ZFAT: variants seen among roughly 807,000 people sequenced by gnomAD.
ZFAT encodes the protein zinc finger protein ZFAT.
In ZFAT, 64 loss-of-function variants were observed where a neutral mutation model predicts 117.7. The ratio of observed to expected loss-of-function variants is 0.54; its 90% CI spans 0.44 to 0.67. The LOEUF (loss-of-function observed/expected upper bound fraction) is 0.67. Ranked by LOEUF, ZFAT falls within the 30% of genes least tolerant of loss-of-function variation. ZFAT has a pLI of 0.00. For synonymous variants in ZFAT, 679 were observed against 615.0 expected, an observed-to-expected ratio of 1.10 and a Z score of -1.54; for missense variants, 1,433 against 1,584.5, an observed-to-expected ratio of 0.90 and a Z score of 1.62.
intron 12 of ZFAT, among the ~76,000 whole-genome samples, chr8:134,524,873 A>G (rs554670065): frequency 1.3e-5 from 2 of 152,190 alleles, no homozygotes; most frequent in Non-Finnish European, 2.9e-5. Flanking sequence ...CAATAACAAC[A>G]TATGTCTTCC....
At chr8:134,745,402 G>A in the ZFAT span, among the ~76,000 whole-genome samples, 8 of 152,276 alleles carry the variant, frequency 5.3e-5, no homozygotes, top group South Asian at 2.1e-4. Flanking sequence ...GCTTGGTTTC[G>A]AATGCAGAAA....
At chr8:134,513,198 T>TG (rs1819986792) in intron 13 of ZFAT, among the ~76,000 whole-genome samples, 2 of 54,736 alleles carry the variant, frequency 3.7e-5, no homozygotes, top group Admixed American at 3.8e-4. Flanking sequence ...CTATTTGTGC[T>TG]TTTTTTTTTT....
chr8:134,634,963 T>C (rs552954623), intron 3 of ZFAT, among the ~76,000 whole-genome samples: 8 of 152,274 alleles, frequency 5.3e-5, no homozygotes, highest in Non-Finnish European at 8.8e-5. Context: ...AGATTCTCAA[T>C]AAGGAGCACG....
At chr8:134,593,872 G>A (rs889712209) in intron 7 of ZFAT, among the ~76,000 whole-genome samples, 4 of 152,242 alleles carry the variant, frequency 2.6e-5, no homozygotes, top group African/African-American at 9.6e-5. Flanking sequence ...AGGAAGAGGT[G>A]TGAGACTCTC....
chr8:134,776,391 C>A, the ZFAT span, among the ~76,000 whole-genome samples: 1 of 152,204 alleles, frequency 6.6e-6, no homozygotes, highest in African/African-American at 2.4e-5. Context: ...GCTGCCTTGA[C>A]CGCCCAGGCT....
At chr8:134,788,186 G>A in the ZFAT span, among the ~76,000 whole-genome samples, 2 of 151,974 alleles carry the variant, frequency 1.3e-5, no homozygotes, top group Non-Finnish European at 2.9e-5. Context: ...TTATTTCGTT[G>A]CTCTTCTTTT....
chr8:134,498,165 C>A (rs77325122), intron 15 of ZFAT, among the ~76,000 whole-genome samples: 1 of 32,516 alleles, frequency 3.1e-5, no homozygotes, highest in Non-Finnish European at 6.2e-5. Context: ...GGGATGCCCC[C>A]GTTGCTGGTT....
rs1820704697 is a variant in ZFAT, at chr8:134,522,057, C to G, written c.3116-1056G>C. On this transcript the variant is annotated intron_variant, in intron 12 of 15. Coordinates refer to ENST00000377838, the MANE Select transcript of ZFAT (RefSeq NM_020863.4). ...ATCCTGGAATCTCAGACCTTCTGGC[C>G]AACAAAATCCCCAACATTCACCTTG... 2.6e-5 allele frequency among the ~76,000 whole-genome samples: 4 copies of G among 152,354 alleles called. No homozygotes were observed. In the South Asian group the frequency reaches 8.3e-4, roughly 32 times the overall value.
chr8:134,659,467 A>G (rs754111278), intron 1 of ZFAT, among the ~76,000 whole-genome samples: 5 of 152,178 alleles, frequency 3.3e-5, no homozygotes, highest in Non-Finnish European at 7.4e-5. Context: ...TTGTGTGATC[A>G]TTACTTTCAA....
At chr8:134,686,776 T>A (rs969962922) in intron 1 of ZFAT, among the ~76,000 whole-genome samples, 1 of 152,122 alleles carries the variant, frequency 6.6e-6, no homozygotes, top group Admixed American at 6.6e-5. Flanking sequence ...ACATGAAGCA[T>A]CATGAGGGGT....
At chr8:134,708,791 A>G (rs1182492421) in intron 1 of ZFAT, among the ~76,000 whole-genome samples, 1 of 152,054 alleles carries the variant, frequency 6.6e-6, no homozygotes, top group Non-Finnish European at 1.5e-5. Flanking sequence ...CACCTCTACT[A>G]AAAGTACAAA....
At chr8:134,622,561 A>G (rs1301490662) in intron 3 of ZFAT, among the ~76,000 whole-genome samples, 1 of 152,100 alleles carries the variant, frequency 6.6e-6, no homozygotes, top group Non-Finnish European at 1.5e-5. Flanking sequence ...GTCCCTTTTA[A>G]GGGCAGATAA....
At chr8:134,818,706 A>G in the ZFAT span, among the ~76,000 whole-genome samples, 1 of 152,230 alleles carries the variant, frequency 6.6e-6, no homozygotes, top group African/African-American at 2.4e-5. Flanking sequence ...ATAGATTATC[A>G]AAAGGTGAAT....
At chr8:134,673,651 C>T (rs942208332) in intron 1 of ZFAT, 1 of 152,296 alleles carries the variant, frequency 6.6e-6, no homozygotes, top group Non-Finnish European at 1.5e-5. Flanking sequence ...TTCCTTCCTA[C>T]CATGATACCA....
chr8:134,727,379 CT>C, the ZFAT span, among the ~76,000 whole-genome samples: 1 of 152,116 alleles, frequency 6.6e-6, no homozygotes, highest in Non-Finnish European at 1.5e-5. Context: ...AGAAGAACGG[CT>C]GTGGGGCAAG....
At chr8:134,666,837 A>G (rs1832249725) in intron 1 of ZFAT, among the ~76,000 whole-genome samples, 1 of 152,366 alleles carries the variant, frequency 6.6e-6, no homozygotes, top group African/African-American at 2.4e-5. Context: ...GTGGGAAAGT[A>G]TTCAAAGAAA....
At chr8:134,726,903 G>T in the ZFAT span, among the ~76,000 whole-genome samples, 1 of 152,108 alleles carries the variant, frequency 6.6e-6, no homozygotes, top group African/African-American at 2.4e-5. Flanking sequence ...GCACAGGGCT[G>T]GGTATTTTCT....
At chr8:134,616,040 G>A (rs982681035) in intron 3 of ZFAT, among the ~76,000 whole-genome samples, 1 of 152,170 alleles carries the variant, frequency 6.6e-6, no homozygotes, top group Non-Finnish European at 1.5e-5. Context: ...GGTGGGAGGT[G>A]AGGCAGGAGA....
chr8:134,527,100 CAG>C (rs1821079684), intron 12 of ZFAT, among the ~76,000 whole-genome samples: 1 of 152,006 alleles, frequency 6.6e-6, no homozygotes, highest in African/African-American at 2.4e-5. Context: ...GGAGAGGGCA[CAG>C]AGATGCAATC....
Sources: gnomAD v4.1 joint callset for allele counts (sites outside exome capture counted in the v4.1 genomes callset) on GRCh38, gnomAD v4.1.1 for gene constraint, MANE v1.5 for transcripts, NCBI Gene and HGNC (gene_info 2026-07-23, HGNC 2026-07-21) for gene names.